The following ATP10A variants were observed in gnomAD, a reference collection of about 807,000 sequenced individuals.
ATP10A encodes the protein phospholipid-transporting ATPase VA.
ATP10A carries 111 observed loss-of-function variants against 147.8 expected under a neutral mutation model. The observed-to-expected ratio is 0.75, with a 90% CI of 0.64 to 0.88. The LOEUF is 0.88. Among genes scored for constraint, ATP10A ranks in the 40% least tolerant of loss-of-function variants. ATP10A has a pLI of 0.00. For missense variants in ATP10A, 1,927 were observed against 1,959.0 expected, an observed-to-expected ratio of 0.98 and a Z score of 0.31; for synonymous variants, 875 against 841.6, an observed-to-expected ratio of 1.04 and a Z score of -0.69.
chr15:25,847,227 G>GCCA (rs1446490251), intron 1 of ATP10A, among the ~76,000 whole-genome samples: 4 of 152,000 alleles, frequency 2.6e-5, no homozygotes, highest in Non-Finnish European at 2.9e-5. Context: ...AGCAGCACGC[G>GCCA]CAGGCACTCA....
At chr15:25,732,231 A>G (rs1470610532) in intron 3 of ATP10A, among the ~76,000 whole-genome samples, 2 of 151,994 alleles carry the variant, frequency 1.3e-5, no homozygotes, top group African/African-American at 4.8e-5. Context: ...TAATATGAGA[A>G]CATTTTCTTC....
chr15:25,764,001 GACA>G (rs1481528050), intron 2 of ATP10A, among the ~76,000 whole-genome samples: 2 of 152,070 alleles, frequency 1.3e-5, no homozygotes, highest in Non-Finnish European at 2.9e-5. Context: ...CAAAACCAAG[GACA>G]ACAATTAGAG....
chr15:25,694,985 G>A lies in ATP10A; in HGVS notation c.2922C>T (p.Ile974=), dbSNP rs765325556. The part of the protein sequence containing the change: ...TASGRRPSLV[I]DGRSLAYALE... The stretch of plus-strand genomic sequence containing the variant: ...GAGCGTAGGCCAGGCTTCTCCCATC[G>A]ATCACGAGGCTGGGTCTGCGGCCAG... The change falls in exon 14 of 21, where the codon ATC becomes ATT. Residue 974 remains isoleucine, a synonymous_variant. Transcript: ENST00000555815. 1.2e-5 allele frequency: 20 copies of A among 1,614,074 alleles called. No homozygotes were observed. The highest frequency in any genetic ancestry group is 1.6e-4 in the Middle Eastern group (1 of 6,084).
chr15:25,705,462 A>AAC (rs1555457331), intron 12 of ATP10A, among the ~76,000 whole-genome samples: 3 of 2,796 alleles, frequency 1.1e-3, no homozygotes, highest in Non-Finnish European at 5.0e-3. Flanking sequence ...AACAAAAAAA[A>AAC]AAAACAAAAA....
chr15:25,860,677 C>T (rs1182545549), intron 1 of ATP10A, among the ~76,000 whole-genome samples: 4 of 152,024 alleles, frequency 2.6e-5, no homozygotes, highest in Admixed American at 6.6e-5. Context: ...GGGAGGGGAA[C>T]GTAGATGGGT....
At chr15:25,684,619 C>T (rs1294918841) in intron 16 of ATP10A, among the ~76,000 whole-genome samples, 2 of 152,102 alleles carry the variant, frequency 1.3e-5, no homozygotes, top group Admixed American at 6.5e-5. Flanking sequence ...GCTGAGGTCA[C>T]GGTGTGAGTA....
intron 12 of ATP10A, among the ~76,000 whole-genome samples, chr15:25,705,855 T>A (rs565483137): frequency 1.3e-5 from 2 of 152,238 alleles, no homozygotes; most frequent in African/African-American, 2.4e-5. Context: ...CCATGAGCTC[T>A]GCCAGGAGGC....
At chr15:25,846,626 G>A (rs1346236605) in intron 1 of ATP10A, among the ~76,000 whole-genome samples, 1 of 152,182 alleles carries the variant, frequency 6.6e-6, no homozygotes, top group Non-Finnish European at 1.5e-5. Context: ...GGATAAAAGA[G>A]ACAGCATGAG....
chr15:25,701,010 C>T (rs1403938441), intron 13 of ATP10A, among the ~76,000 whole-genome samples: 3 of 151,640 alleles, frequency 2.0e-5, no homozygotes, highest in Middle Eastern at 3.5e-3. Context: ...GGGGGTGCCC[C>T]GGCCAGCGTG....
Position 25,680,994 on chromosome 15 carries a change from C to CA in ATP10A, c.3572dup (p.Ala1192GlyfsTer4), listed in dbSNP as rs1392976803. The CA allele has an allele frequency of 6.2e-7, 1 of 1,614,072 alleles. No homozygotes were observed. Among genetic ancestry groups the CA allele is most frequent in the Admixed American group, 1.7e-5 (1 of 60,014 alleles). On this transcript the variant is annotated frameshift_variant and splice_region_variant, in exon 18 of 21. Coordinates refer to ENST00000555815, the MANE Select transcript of ATP10A (RefSeq NM_024490.4). LOFTEE classifies it high-confidence loss of function. ...AAACTGCACCCAGGGGCCAACTTAC[C>CA]AGGTAAGGAATGGAAAAGCAAACCA... is the stretch of plus-strand genomic sequence containing the variant.
intron 1 of ATP10A, among the ~76,000 whole-genome samples, chr15:25,838,241 GCTT>G (rs1892672502): frequency 6.6e-6 from 1 of 152,292 alleles, no homozygotes; most frequent in South Asian, 2.1e-4. Context: ...TCAAAAAAGT[GCTT>G]ATTACTCAGA....
In ATP10A at chr15:25,862,854, C is replaced by G; in HGVS notation, c.243G>C (p.Glu81Asp). 6.2e-7 allele frequency: 1 copy of G among 1,610,768 alleles called. No individual in the cohort carries two copies. Among genetic ancestry groups the G allele is most frequent in the South Asian group, 1.1e-5 (1 of 90,342 alleles). The change falls in exon 1 of 21, where the codon GAG (glutamate) becomes GAC (aspartate). Residue 81 changes from glutamate to aspartate, a missense_variant. Coordinates refer to ENST00000555815, the MANE Select transcript of ATP10A (RefSeq NM_024490.4). ...ACACGTTGGCCGGGCGGTGGAACTG[C>G]TCGAACAGGTTCTTGGGCAGGAAGG... ...LLSFLPKNLFEQFHRPANVYF... is the reference protein window; with the variant it reads ...LLSFLPKNLFDQFHRPANVYF...
rs746003602 is a variant in ATP10A at position 25,679,529 on chromosome 15, G to A, written c.4312C>T (p.Leu1438Phe). The change falls in exon 21 of 21, where the codon CTC becomes TTC. Residue 1438 changes from leucine to phenylalanine, a missense_variant. Physicochemically the swap from Leu to Phe is conservative, Grantham distance 22 (BLOSUM62 0). Transcript: ENST00000555815. ...AGCGACCAGGAGGAAATCCAGTTGAGTAAGCTGAAGGTAGGCAGGCTGAAG... is the reference window on the plus strand; with the variant it reads ...AGCGACCAGGAGGAAATCCAGTTGAATAAGCTGAAGGTAGGCAGGCTGAAG... ...SLFSLPTFSL[L>F]NWISSWSLVS... The A allele has an allele frequency of 6.2e-7, 1 of 1,613,538 alleles. No homozygotes were observed. The highest frequency in any genetic ancestry group is 1.1e-5 in the South Asian group (1 of 91,078).
At chr15:25,850,152 C>T (rs1893217514) in intron 1 of ATP10A, among the ~76,000 whole-genome samples, 1 of 152,054 alleles carries the variant, frequency 6.6e-6, no homozygotes, top group South Asian at 2.1e-4. Flanking sequence ...CAATTGTAGC[C>T]CATTATGTGT....
intron 13 of ATP10A, among the ~76,000 whole-genome samples, chr15:25,699,721 A>G (rs1052864070): frequency 2.8e-4 from 43 of 152,078 alleles, no homozygotes; most frequent in African/African-American, 9.9e-4. Flanking sequence ...ATAAAAAATT[A>G]GCCAGGTATG....
At position 25,786,145 on chromosome 15, in the gene ATP10A, C is replaced by T. The variant is rs141799765; in HGVS notation, c.450-4922G>A. Among the ~76,000 whole-genome samples the T allele has an allele frequency of 2.1e-3, 313 of 152,308 alleles. 1 individual carries two copies. Among genetic ancestry groups the T allele is most frequent in the African/African-American group, 7.2e-3 (300 of 41,580 alleles). ...GGTCGTGCCCAGGCGGGGAAGCTGG[C>T]GTTGTGGCTGGGGGCAGAGAGGTGC... On this transcript the variant is annotated intron_variant, in intron 1 of 20. Transcript: ENST00000555815.
At chr15:25,755,952 T>C (rs78296247) in intron 2 of ATP10A, among the ~76,000 whole-genome samples, 6 of 152,366 alleles carry the variant, frequency 3.9e-5, no homozygotes, top group Non-Finnish European at 7.3e-5. Context: ...TAGAAACTTT[T>C]GCTTTGGGAA....
intron 9 of ATP10A, among the ~76,000 whole-genome samples, chr15:25,714,965 TAC>T (rs10523875): frequency 0.02 from 2,842 of 145,436 alleles, 33 homozygotes; most frequent in East Asian, 0.044. Context: ...ATGACACATA[TAC>T]ACACACACAC....
chr15:25,827,053 G>A (rs1037905209), intron 1 of ATP10A, among the ~76,000 whole-genome samples: 1 of 152,202 alleles, frequency 6.6e-6, no homozygotes, highest in Non-Finnish European at 1.5e-5. Flanking sequence ...CCTTCAGTAA[G>A]TTTAACAGCT....
Sources: allele counts gnomAD v4.1 joint callset (sites outside exome capture counted in the v4.1 genomes callset), GRCh38; gene constraint gnomAD v4.1.1; transcripts MANE v1.5; gene names NCBI Gene and HGNC (gene_info 2026-07-23, HGNC 2026-07-21).